Variants in ADAMTSL3 observed in about 807,000 individuals in gnomAD.
ADAMTSL3 encodes ADAMTS like 3.
Under a neutral mutation model 201.7 loss-of-function variants are expected in ADAMTSL3, and 128 were observed. The ratio of observed to expected loss-of-function variants is 0.63; its 90% CI spans 0.55 to 0.73. ADAMTSL3 has a LOEUF of 0.73. Ranked by LOEUF, ADAMTSL3 falls within the 30% of genes least tolerant of loss-of-function variation. The probability of loss-of-function intolerance (pLI) is 0.00; values close to 1 mark genes in which losing one functional copy is unlikely to be tolerated. For synonymous variants in ADAMTSL3, 738 were observed against 748.4 expected, an observed-to-expected ratio of 0.99 and a Z score of 0.23; for missense variants, 1,990 against 2,119.6, an observed-to-expected ratio of 0.94 and a Z score of 1.20.
At chr15:83,943,124 C>T (rs2066595296) in intron 19 of ADAMTSL3, 42 bp downstream of exon 19, 3 of 1,550,522 alleles carry the variant, frequency 1.9e-6, no homozygotes, top group South Asian at 2.5e-5. Context: ...CTTTTCTGCC[C>T]CTCCTTTGTT....
chr15:83,777,457 A>G (rs1429880980), intron 4 of ADAMTSL3, among the ~76,000 whole-genome samples: 1 of 152,320 alleles, frequency 6.6e-6, no homozygotes, highest in East Asian at 1.9e-4. Context: ...GGGGCCCAAT[A>G]CAAGTACCCC....
chr15:83,888,402 G>T (rs539383228), intron 10 of ADAMTSL3, among the ~76,000 whole-genome samples: 2 of 115,890 alleles, frequency 1.7e-5, no homozygotes, highest in African/African-American at 7.3e-5. Flanking sequence ...TTAGAACAAA[G>T]ATTTTTTTTT....
intron 2 of ADAMTSL3, among the ~76,000 whole-genome samples, chr15:83,683,840 A>G (rs2061505957): frequency 6.6e-6 from 1 of 152,106 alleles, no homozygotes; most frequent in African/African-American, 2.4e-5. Context: ...AGGAGCTGCT[A>G]TTGTTTTCTC....
intron 8 of ADAMTSL3, among the ~76,000 whole-genome samples, chr15:83,867,466 T>G (rs899280266): frequency 6.6e-6 from 1 of 152,204 alleles, no homozygotes; most frequent in Non-Finnish European, 1.5e-5. Flanking sequence ...TAAATGTGTT[T>G]AACTAGCAGT....
chr15:83,938,191 A>G lies in ADAMTSL3; in HGVS notation c.2118-4405A>G, dbSNP rs564664356. 7.4e-5 allele frequency among the ~76,000 whole-genome samples: 11 copies of G among 148,026 alleles called. 1 individual carries two copies. The highest frequency in any genetic ancestry group is 1.6e-4 in the African/African-American group (6 of 37,776). On this transcript the variant is annotated intron_variant, in intron 17 of 29. Transcript: ENST00000286744. ...TTAAAGTGCTTTAGGCCCTTATACTATTTGTTAAGATGGAAATGATTTTGG... is the reference window on the plus strand; with the variant it reads ...TTAAAGTGCTTTAGGCCCTTATACTGTTTGTTAAGATGGAAATGATTTTGG...
intron 2 of ADAMTSL3, among the ~76,000 whole-genome samples, chr15:83,658,014 G>A (rs2061114724): frequency 6.6e-6 from 1 of 152,238 alleles, no homozygotes; most frequent in Admixed American, 6.5e-5. Flanking sequence ...CGTATGTGCT[G>A]CCACCAAGGT....
intron 15 of ADAMTSL3, among the ~76,000 whole-genome samples, chr15:83,906,746 T>C (rs1567228112): frequency 6.6e-6 from 1 of 152,086 alleles, no homozygotes; most frequent in African/African-American, 2.4e-5. Flanking sequence ...TTTAGTACTT[T>C]TCATAGCTAT....
chr15:83,742,039 T>C (rs1249865854), intron 3 of ADAMTSL3, among the ~76,000 whole-genome samples: 1 of 152,188 alleles, frequency 6.6e-6, no homozygotes, highest in East Asian at 1.9e-4. Flanking sequence ...AAAATATGTC[T>C]TCTTTTAAAA....
At chr15:83,798,357 A>G (rs1163890036) in intron 4 of ADAMTSL3, among the ~76,000 whole-genome samples, 4 of 152,242 alleles carry the variant, frequency 2.6e-5, no homozygotes, top group Non-Finnish European at 5.9e-5. Flanking sequence ...TCAAATGTGT[A>G]TATATGTATT....
At chr15:83,739,704 C>T in intron 3 of ADAMTSL3, 1 of 338,144 alleles carries the variant, frequency 3.0e-6, no homozygotes. Context: ...CCCTGCACTT[C>T]TTGGTAGTCT....
At chr15:83,793,636 C>T (rs538318253) in intron 4 of ADAMTSL3, among the ~76,000 whole-genome samples, 14 of 152,104 alleles carry the variant, frequency 9.2e-5, no homozygotes, top group Non-Finnish European at 1.9e-4. Context: ...GCCACTATGC[C>T]TGGCTAATTT....
At position 83,737,814 on chromosome 15, in the gene ADAMTSL3, A is replaced by G. The variant is rs945359286; in HGVS notation, c.189+33306A>G. Among the ~76,000 whole-genome samples, 5 of 152,314 alleles carry G rather than the reference A, an allele frequency of 3.3e-5. No homozygotes were observed. The East Asian group carries it at 9.7e-4, about 29-fold the overall frequency. ...ATTTAAGAATGTTAAGAATTAGGAG[A>G]AATATCCAGAAAACACTCATATTAC... On this transcript the variant is annotated intron_variant, in intron 3 of 29. Coordinates refer to ENST00000286744, the MANE Select transcript of ADAMTSL3 (RefSeq NM_207517.3).
intron 4 of ADAMTSL3, among the ~76,000 whole-genome samples, chr15:83,797,775 G>C (rs543619559): frequency 1.2e-4 from 18 of 152,132 alleles, no homozygotes; most frequent in Non-Finnish European, 2.1e-4. Flanking sequence ...GTCAATATCT[G>C]GTAATAGTGA....
At chr15:83,774,323 T>C (rs2063035999) in intron 4 of ADAMTSL3, among the ~76,000 whole-genome samples, 1 of 152,226 alleles carries the variant, frequency 6.6e-6, no homozygotes, top group Non-Finnish European at 1.5e-5. Flanking sequence ...TTTGGGATAT[T>C]GTTAGGCAAA....
intron 29 of ADAMTSL3, 67 bp downstream of exon 29, chr15:84,037,054 C>T (rs774921020): frequency 9.4e-6 from 14 of 1,493,784 alleles, no homozygotes; most frequent in Non-Finnish European, 1.3e-5. Flanking sequence ...CTGATGCTAC[C>T]ATCACGGCAC....
At chr15:83,871,851 T>C (rs61267560) in intron 9 of ADAMTSL3, among the ~76,000 whole-genome samples, 19,868 of 152,208 alleles carry the variant, frequency 0.13, 1,450 homozygotes, top group East Asian at 0.34. Flanking sequence ...TTCCAAAATG[T>C]AAATGGAAGC....
intron 23 of ADAMTSL3, among the ~76,000 whole-genome samples, chr15:84,009,235 T>A (rs985586625): frequency 1.3e-5 from 2 of 152,184 alleles, no homozygotes; most frequent in Non-Finnish European, 2.9e-5. Context: ...CACCTGCCAC[T>A]TCTCTGACCT....
Position 83,925,929 on chromosome 15 carries a change from G to A in ADAMTSL3, c.2117+1896G>A, listed in dbSNP as rs537407354. Among the ~76,000 whole-genome samples the A allele has an allele frequency of 5.2e-4, 79 of 152,292 alleles. No individual in the cohort carries two copies. The South Asian group carries it at 7.0e-3, about 14-fold the overall frequency. On this transcript the variant is annotated intron_variant, in intron 17 of 29. Transcript: ENST00000286744. ...GCACAGGGGAAAATACAGGGAGGGG[G>A]CAAAACATAGTTATATTTCTCAACA...
intron 2 of ADAMTSL3, among the ~76,000 whole-genome samples, chr15:83,700,690 T>C (rs2141490218): frequency 6.6e-6 from 1 of 152,176 alleles, no homozygotes; most frequent in African/African-American, 2.4e-5. Context: ...CTTGAACCTG[T>C]GAGGCGGAGA....
Sources: gnomAD v4.1 joint callset for allele counts (sites outside exome capture counted in the v4.1 genomes callset) on GRCh38, gnomAD v4.1.1 for gene constraint, MANE v1.5 for transcripts, NCBI Gene and HGNC (gene_info 2026-07-23, HGNC 2026-07-21) for gene names.